The following LPL variants were observed in gnomAD, a reference collection of about 807,000 sequenced individuals.
The protein encoded by LPL is phospholipase A1.
A neutral mutation model predicts 52.2 loss-of-function variants in LPL; 43 were observed. The ratio of observed to expected loss-of-function variants is 0.82; its 90% confidence interval spans 0.64 to 1.06. The LOEUF is 1.06. LPL is among the 50% of genes least tolerant of loss of function. LPL has a pLI of 0.00. For synonymous variants in LPL, 244 were observed against 215.6 expected, an observed-to-expected ratio of 1.13 and a Z score of -1.15; for missense variants, 639 against 585.3, an observed-to-expected ratio of 1.09 and a Z score of -0.95.
intron 3 of LPL, 74 bp downstream of exon 3, chr8:19,952,022 TCTTC>T: frequency 6.6e-7 from 1 of 1,509,268 alleles, no homozygotes; most frequent in Non-Finnish European, 9.2e-7. Context: ...GGCTGTTCTT[TCTTC>T]CTTTTCTCTT....
chr8:19,941,993 AT>A (rs2069845174), intron 1 of LPL, among the ~76,000 whole-genome samples: 1 of 152,206 alleles, frequency 6.6e-6, no homozygotes, highest in African/African-American at 2.4e-5. Context: ...GCCATCGTGA[AT>A]TTCCAGGCTG....
rs537152553 is a variant in LPL, at chr8:19,952,899, T to G, written c.430-411T>G. On this transcript the variant is annotated intron_variant, in intron 3 of 9. Transcript: ENST00000650287. ...CTATACATTCAAACATACACACATA[T>G]ACATATATGCATGCATATAAATGTA... 3.9e-3 allele frequency among the ~76,000 whole-genome samples: 599 copies of G among 152,300 alleles called. 6 individuals carry two copies. The highest frequency in any genetic ancestry group is 0.014 in the African/African-American group (573 of 41,574).
Position 19,959,372 on chromosome 8 carries a change from A to T in LPL, c.1131A>T (p.Pro377=). ...CCGTGGCCGAGAGTGAGAACATCCC[A>T]TTCACTCTGTGAGTAGCACAGGGGG... The part of the protein sequence containing the change: ...YGTVAESENI[P]FTLPEVSTNK... Residue 377 remains proline (P), a synonymous_variant, in exon 7 of 10, where the codon CCA becomes CCT. Coordinates refer to ENST00000650287, the MANE Select transcript of LPL (RefSeq NM_000237.3). 6.2e-7 allele frequency: 1 copy of T among 1,614,120 alleles called. No homozygotes were observed. The highest frequency in any genetic ancestry group is 8.5e-7 in the Non-Finnish European group (1 of 1,180,008).
intron 2 of LPL, among the ~76,000 whole-genome samples, chr8:19,949,683 C>T (rs2069916448): frequency 1.3e-5 from 2 of 152,148 alleles, no homozygotes; most frequent in South Asian, 4.1e-4. Flanking sequence ...GGGTTTCACC[C>T]TGTTGGCCAG....
intron 6 of LPL, among the ~76,000 whole-genome samples, chr8:19,958,719 G>A (rs901601579): frequency 6.6e-6 from 1 of 152,140 alleles, no homozygotes; most frequent in African/African-American, 2.4e-5. Context: ...GCACCTACTA[G>A]ACACCTAATC....
intron 9 of LPL, 125 bp from the exon 10 acceptor site, chr8:19,965,185 T>G (rs2070074813): frequency 1.4e-6 from 1 of 714,578 alleles, no homozygotes; most frequent in East Asian, 2.5e-5. Context: ...GGGTTTATTC[T>G]CACAACCTTT....
Position 19,955,919 on chromosome 8 carries a change from C to T in LPL, c.854C>T (p.Pro285Leu). The change falls in exon 6 of 10, where the codon CCA (proline) becomes CTA (leucine). Residue 285 changes from proline (P) to leucine (L), a missense_variant. Pro to Leu is a moderately conservative substitution (Grantham distance 98, BLOSUM62 -3). Transcript: ENST00000650287. ...FIDSLLNEEN[P>L]SKAYRCSSKE... is the part of the protein sequence containing the mutation. ...GACTCTCTGTTGAATGAAGAAAATC[C>T]AAGTAAGGCCTACAGGTGCAGTTCC... The T allele has an allele frequency of 2.5e-6, 4 of 1,614,128 alleles. No individual in the cohort carries two copies. Among genetic ancestry groups the T allele is most frequent in the Non-Finnish European group, 3.4e-6 (4 of 1,180,030 alleles).
rs115668974 is a variant in LPL, at chr8:19,941,795, C to T, written c.88+2267C>T. On this transcript the variant is annotated intron_variant, in intron 1 of 9. Transcript: ENST00000650287. ...GGTAGAAAGACAGGGATCACCTCCT[C>T]TGGGCTCTTGAGTTTACTTATTCAT... Among the ~76,000 whole-genome samples, 1,190 of 152,292 alleles carry T rather than the reference C, an allele frequency of 7.8e-3. 15 individuals are homozygous for T. Among genetic ancestry groups the T allele is most frequent in the African/African-American group, 0.027 (1,125 of 41,548 alleles).
chr8:19,947,168 A>G (rs1382320072), intron 1 of LPL, among the ~76,000 whole-genome samples: 1 of 152,188 alleles, frequency 6.6e-6, no homozygotes, highest in African/African-American at 2.4e-5. Context: ...AAGCCTCCTC[A>G]TGCTTCCAAC....
At chr8:19,957,540 T>C (rs1403367278) in intron 6 of LPL, among the ~76,000 whole-genome samples, 2 of 152,194 alleles carry the variant, frequency 1.3e-5, no homozygotes, top group Non-Finnish European at 2.9e-5. Context: ...CATCCCTGCC[T>C]CCTGCACCAG....
Position 19,939,546 on chromosome 8 carries a change from ACT to A in LPL, c.88+20_88+21del. 7 of 1,599,390 alleles carry A rather than the reference ACT, an allele frequency of 4.4e-6. No homozygotes were observed. Among genetic ancestry groups the A allele is most frequent in the Non-Finnish European group, 5.1e-6 (6 of 1,174,448 alleles). On this transcript the variant is annotated intron_variant, in intron 1 of 9. Coordinates refer to ENST00000650287, the MANE Select transcript of LPL (RefSeq NM_000237.3). The surrounding 1 kb of genome is among the most constrained non-coding windows in gnomAD (Gnocchi z 4.0). ...CGCCGACCGTAAGTTTTGCGCGCAA[ACT>A]CCCCTCCACCTGCAGACCCGGCGGG...
In LPL at chr8:19,939,313, C is replaced by G; in HGVS notation, c.-128C>G. The G allele has an allele frequency of 1.3e-6, 1 of 790,400 alleles. No homozygotes were observed. The highest frequency in any genetic ancestry group is 3.5e-4 in the Middle Eastern group (1 of 2,888). The allele number at this position is 790,400 out of a possible 1,614,324, so 49.0% of individuals were successfully genotyped here. ...GGAAAGCTGCCCACTTCTAGCTGCCCTGCCATCCCCTTTAAAGGGCGACTT... is the reference window on the plus strand; with the variant it reads ...GGAAAGCTGCCCACTTCTAGCTGCCGTGCCATCCCCTTTAAAGGGCGACTT... On this transcript the variant is annotated 5_prime_UTR_variant, in exon 1 of 10. Coordinates refer to ENST00000650287, the MANE Select transcript of LPL (RefSeq NM_000237.3). This position sits in a 1 kb window ranked among gnomAD's most constrained non-coding sequence, Gnocchi z 4.0.
At chr8:19,947,601 T>C (rs1182265012) in intron 1 of LPL, among the ~76,000 whole-genome samples, 1 of 151,912 alleles carries the variant, frequency 6.6e-6, no homozygotes, top group Non-Finnish European at 1.5e-5. Context: ...CTGCACTCCT[T>C]TGGCCTGGGA....
intron 2 of LPL, 94 bp downstream of exon 2, chr8:19,948,434 CCCA>C: frequency 2.1e-6 from 3 of 1,400,128 alleles, no homozygotes; most frequent in Non-Finnish European, 3.0e-6. Flanking sequence ...GGGTCCGCAC[CCCA>C]CATCTCACGT....
chr8:19,956,168 T>A lies in LPL; in HGVS notation c.1018+85T>A, dbSNP rs2069984065. ...GCATCACATGTACTGATTCTGTCCATTGGAACAGAGATGATGACTGGTGTT... is the reference window on the plus strand; with the variant it reads ...GCATCACATGTACTGATTCTGTCCAATGGAACAGAGATGATGACTGGTGTT... On this transcript the variant is annotated intron_variant, in intron 6 of 9. Transcript: ENST00000650287. 15 of 1,569,566 alleles carry A rather than the reference T, an allele frequency of 9.6e-6. No individual in the cohort carries two copies. The South Asian group carries it at 1.5e-4, about 15-fold the overall frequency.
rs369939134 is a variant in LPL, at chr8:19,941,017, A to G, written c.88+1489A>G. Among the ~76,000 whole-genome samples the G allele has an allele frequency of 8.5e-5, 13 of 152,258 alleles. No individual in the cohort carries two copies. The East Asian group carries it at 9.7e-4, about 11-fold the overall frequency. On this transcript the variant is annotated intron_variant, in intron 1 of 9. Coordinates refer to ENST00000650287, the MANE Select transcript of LPL (RefSeq NM_000237.3). ...GGCTGAGAGATCACTTGAGCCAGGG[A>G]GTTTCAGTAGACTGCAGTGAGCTGT...
intron 1 of LPL, among the ~76,000 whole-genome samples, chr8:19,942,378 A>G (rs1285957691): frequency 6.6e-6 from 1 of 152,194 alleles, no homozygotes; most frequent in African/African-American, 2.4e-5. Flanking sequence ...TTGGATCACA[A>G]AGTGTAAGGA....
intron 1 of LPL, among the ~76,000 whole-genome samples, chr8:19,947,309 A>T (rs559257056): frequency 1.3e-5 from 2 of 152,224 alleles, no homozygotes; most frequent in East Asian, 3.9e-4. Context: ...GTTTGAGAAC[A>T]GCCTGGCCAA....
chr8:19,953,363 A>G lies in LPL; in HGVS notation c.483A>G (p.Gly161=), dbSNP rs1424266117. The G allele has an allele frequency of 6.2e-7, 1 of 1,613,956 alleles. No homozygotes were observed. Among genetic ancestry groups the G allele is most frequent in the East Asian group, 2.2e-5 (1 of 44,894 alleles). The change falls in exon 4 of 10, where the codon GGA becomes GGG. Residue 161 remains glycine, a synonymous_variant. Transcript: ENST00000650287. ...TCCATCTCTTGGGATACAGCCTTGGAGCCCATGCTGCTGGCATTGCAGGAA... is the reference window on the plus strand; with the variant it reads ...TCCATCTCTTGGGATACAGCCTTGGGGCCCATGCTGCTGGCATTGCAGGAA... ...DNVHLLGYSL[G]AHAAGIAGSL...
Sources: allele counts gnomAD v4.1 joint callset (sites outside exome capture counted in the v4.1 genomes callset), GRCh38; gene constraint gnomAD v4.1.1; non-coding constraint Gnocchi (gnomAD v3.1); transcripts MANE v1.5; gene names NCBI Gene and HGNC (gene_info 2026-07-23, HGNC 2026-07-21).